DNM3: variants seen among roughly 807,000 people sequenced by gnomAD.
DNM3 encodes dynamin 3.
Under a neutral mutation model 101.6 loss-of-function variants are expected in DNM3, and 47 were observed. The observed-to-expected ratio is 0.46, with a 90% CI of 0.37 to 0.59. The LOEUF (loss-of-function observed/expected upper bound fraction) is 0.59. Ranked by LOEUF, DNM3 falls within the 20% of genes least tolerant of loss-of-function variation. DNM3 has a pLI of 0.00. For missense variants in DNM3, 849 were observed against 1,085.7 expected, an observed-to-expected ratio of 0.78 and a Z score of 3.06; for synonymous variants, 385 against 387.9, an observed-to-expected ratio of 0.99 and a Z score of 0.09.
At chr1:172,071,454 T>G (rs1447667083) in intron 11 of DNM3, among the ~76,000 whole-genome samples, 2 of 152,040 alleles carry the variant, frequency 1.3e-5, no homozygotes, top group Non-Finnish European at 2.9e-5. Flanking sequence ...GATCTCGCAT[T>G]TGAATTCTGG....
chr1:172,003,724 TAATTTATTGCCTATTGACATAGA>T (rs2046495595), intron 4 of DNM3, among the ~76,000 whole-genome samples: 2 of 71,778 alleles, frequency 2.8e-5, no homozygotes, highest in African/African-American at 4.5e-4. Context: ...GGTATTTGAA[TAATTTATTGCCTATTGACATAGA>T]TTTTTTCACT....
rs946359258 is a variant in DNM3, at chr1:172,299,577, A to G, written c.1770-9151A>G. Among the ~76,000 whole-genome samples the G allele has an allele frequency of 3.9e-5, 6 of 152,078 alleles. 1 individual carries two copies. In the South Asian group the frequency reaches 1.2e-3, roughly 32 times the overall value. On this transcript the variant is annotated intron_variant, in intron 15 of 20. Transcript: ENST00000627582. ...GTAATCCCCAGTGTCTATTGTTCCC[A>G]ACTTTGTCTATATGTGCCCAATGTT...
chr1:172,054,973 C>A (rs867360231), intron 10 of DNM3, among the ~76,000 whole-genome samples: 4 of 149,268 alleles, frequency 2.7e-5, no homozygotes, highest in African/African-American at 9.8e-5. Context: ...CCCGCCCCCC[C>A]AAATAAAGAA....
At chr1:171,912,268 C>T (rs986770217) in intron 1 of DNM3, among the ~76,000 whole-genome samples, 4 of 151,764 alleles carry the variant, frequency 2.6e-5, no homozygotes, top group African/African-American at 9.7e-5. Context: ...ATGTTTAAAG[C>T]GCAGGTGTAT....
At chr1:172,178,389 A>G (rs973251472) in intron 14 of DNM3, among the ~76,000 whole-genome samples, 4 of 152,004 alleles carry the variant, frequency 2.6e-5, no homozygotes, top group African/African-American at 4.8e-5. Flanking sequence ...TTATTTAAAA[A>G]TATTTATTGA....
chr1:172,020,963 C>T (rs1051273179), intron 4 of DNM3, among the ~76,000 whole-genome samples: 1 of 152,170 alleles, frequency 6.6e-6, no homozygotes, highest in Non-Finnish European at 1.5e-5. Context: ...GAGGTTTCTG[C>T]TCTTGGGTGT....
chr1:172,230,098 T>A (rs1286049292), intron 14 of DNM3, among the ~76,000 whole-genome samples: 1 of 152,198 alleles, frequency 6.6e-6, no homozygotes, highest in East Asian at 1.9e-4. Context: ...ATGATGGCTT[T>A]GCCATGTTGT....
intron 2 of DNM3, among the ~76,000 whole-genome samples, chr1:171,965,550 CAAA>C (rs761095968): frequency 1.7e-5 from 2 of 115,022 alleles, no homozygotes; most frequent in African/African-American, 3.2e-5. Context: ...GACCCTGTCT[CAAA>C]AAAAAAAAAA....
chr1:172,069,586 A>G (rs949426636), intron 11 of DNM3, among the ~76,000 whole-genome samples: 1 of 152,220 alleles, frequency 6.6e-6, no homozygotes, highest in Non-Finnish European at 1.5e-5. Context: ...AAATCTTCTT[A>G]GGTTTAAATG....
At chr1:171,960,585 A>T (rs888940505) in intron 2 of DNM3, among the ~76,000 whole-genome samples, 4 of 152,164 alleles carry the variant, frequency 2.6e-5, no homozygotes, top group African/African-American at 7.2e-5. Flanking sequence ...TAGTGGATTA[A>T]TGGGTTAATT....
intron 13 of DNM3, among the ~76,000 whole-genome samples, chr1:172,117,918 T>C (rs1409995892): frequency 1.3e-5 from 2 of 152,166 alleles, no homozygotes; most frequent in African/African-American, 4.8e-5. Flanking sequence ...ACATAAGAGA[T>C]TGTGGCACTG....
intron 16 of DNM3, among the ~76,000 whole-genome samples, chr1:172,321,879 G>A (rs1316273367): frequency 6.6e-6 from 1 of 152,134 alleles, no homozygotes; most frequent in African/African-American, 2.4e-5. Context: ...AAAATTCCCA[G>A]TGGGGATCTT....
At chr1:172,067,540 T>TGA (rs1195380862) in intron 10 of DNM3, among the ~76,000 whole-genome samples, 1 of 152,144 alleles carries the variant, frequency 6.6e-6, no homozygotes. Context: ...CGCCACTAAT[T>TGA]GCCCCCACTT....
intron 2 of DNM3, among the ~76,000 whole-genome samples, chr1:171,926,172 G>A (rs934497676): frequency 1.3e-5 from 2 of 151,966 alleles, no homozygotes; most frequent in Non-Finnish European, 2.9e-5. Context: ...TGTTCTTTTT[G>A]CTTAGGATTG....
intron 2 of DNM3, among the ~76,000 whole-genome samples, chr1:171,926,307 T>C (rs1304131354): frequency 6.6e-6 from 1 of 152,236 alleles, no homozygotes; most frequent in Non-Finnish European, 1.5e-5. Flanking sequence ...CTTTGGGCAG[T>C]ATAGTCATTT....
At chr1:172,294,800 T>C (rs1445244303) in intron 15 of DNM3, among the ~76,000 whole-genome samples, 3 of 150,448 alleles carry the variant, frequency 2.0e-5, no homozygotes, top group African/African-American at 4.9e-5. Flanking sequence ...TAGTCCCGGC[T>C]ACTTGGGAAG....
intron 20 of DNM3, among the ~76,000 whole-genome samples, chr1:172,391,478 T>C (rs545674759): frequency 1.3e-4 from 20 of 152,064 alleles, no homozygotes; most frequent in African/African-American, 4.8e-4. Context: ...TCCTACCAAA[T>C]ACAAGCCAGA....
At chr1:172,073,415 C>T (rs1452473042) in intron 11 of DNM3, among the ~76,000 whole-genome samples, 1 of 151,814 alleles carries the variant, frequency 6.6e-6, no homozygotes, top group Non-Finnish European at 1.5e-5. Flanking sequence ...ATATAGCACC[C>T]TATATTTTAT....
chr1:172,306,409 T>C (rs991355230), intron 15 of DNM3, among the ~76,000 whole-genome samples: 4 of 152,228 alleles, frequency 2.6e-5, no homozygotes, highest in East Asian at 1.9e-4. Flanking sequence ...ACATTCCATG[T>C]TCATGGATAG....
Sources: allele counts gnomAD v4.1 joint callset (sites outside exome capture counted in the v4.1 genomes callset), GRCh38; gene constraint gnomAD v4.1.1; transcripts MANE v1.5; gene names NCBI Gene and HGNC (gene_info 2026-07-23, HGNC 2026-07-21).